Variants in BRD10 observed in about 807,000 individuals in gnomAD.
BRD10 encodes bromodomain containing 10.
chr9:5,919,915 A>G, the BRD10 span: 1 of 1,613,978 alleles, frequency 6.2e-7, no homozygotes, highest in Non-Finnish European at 8.5e-7. Context: ...GCAGTGGAGG[A>G]TTACTGGGGC....
chr9:5,879,722 G>C, the BRD10 span, among the ~76,000 whole-genome samples: 1 of 152,192 alleles, frequency 6.6e-6, no homozygotes, highest in Non-Finnish European at 1.5e-5. Context: ...GAAATGCAGA[G>C]ATACAGAACC....
chr9:5,930,357 T>C, the BRD10 span, among the ~76,000 whole-genome samples: 1 of 100,858 alleles, frequency 9.9e-6, no homozygotes, highest in South Asian at 3.8e-4. Context: ...TTTCCCAATA[T>C]ATATAAGGAG....
the BRD10 span, among the ~76,000 whole-genome samples, chr9:5,965,900 A>G: frequency 6.6e-6 from 1 of 152,214 alleles, no homozygotes; most frequent in Non-Finnish European, 1.5e-5. Context: ...AGTGGACTGA[A>G]AATTACATAA....
chr9:5,935,253 A>G, the BRD10 span, among the ~76,000 whole-genome samples: 4 of 152,234 alleles, frequency 2.6e-5, no homozygotes, highest in African/African-American at 7.2e-5. Flanking sequence ...GGCATCCCAC[A>G]CTGAATACAT....
chr9:5,915,898 T>A, the BRD10 span, among the ~76,000 whole-genome samples: 1 of 152,220 alleles, frequency 6.6e-6, no homozygotes, highest in Non-Finnish European at 1.5e-5. Flanking sequence ...TTTAAGAATG[T>A]TTTACATGCA....
At chr9:5,903,060 C>T in the BRD10 span, among the ~76,000 whole-genome samples, 9 of 152,146 alleles carry the variant, frequency 5.9e-5, no homozygotes, top group African/African-American at 2.2e-4. Flanking sequence ...ATTTAAATTT[C>T]TCCTGAGATT....
chr9:6,001,706 A>C, the BRD10 span, among the ~76,000 whole-genome samples: 1 of 152,174 alleles, frequency 6.6e-6, no homozygotes, highest in African/African-American at 2.4e-5. Context: ...CCACTCTTCA[A>C]AACCTAGCTC....
chr9:5,969,329 A>G, the BRD10 span: 3 of 1,613,552 alleles, frequency 1.9e-6, no homozygotes, highest in Non-Finnish European at 8.5e-7. Flanking sequence ...AATTTCCCAC[A>G]TGGTCTCCAT....
chr9:5,920,048 G>T, the BRD10 span: 3 of 1,613,950 alleles, frequency 1.9e-6, no homozygotes, highest in Non-Finnish European at 2.5e-6. Flanking sequence ...TATGAGTTGT[G>T]GTGATGTATG....
chr9:6,003,737 T>C, the BRD10 span, among the ~76,000 whole-genome samples: 1 of 152,098 alleles, frequency 6.6e-6, no homozygotes, highest in Non-Finnish European at 1.5e-5. Context: ...TGAATTTTAG[T>C]CCTACTTCTC....
chr9:5,922,897 A>G, the BRD10 span: 11 of 1,613,868 alleles, frequency 6.8e-6, no homozygotes, highest in Non-Finnish European at 9.3e-6. Context: ...TTTCCACAGC[A>G]AGAGCATTTC....
the BRD10 span, chr9:6,007,211 ACTTCTGCTCCAGCAT>A: frequency 6.2e-7 from 1 of 1,612,812 alleles, no homozygotes; most frequent in African/African-American, 1.3e-5. Context: ...AGAAGCGCTA[ACTTCTGCTCCAGCAT>A]CATCTCCAGC....
At chr9:5,981,974 A>G in the BRD10 span, among the ~76,000 whole-genome samples, 1 of 152,136 alleles carries the variant, frequency 6.6e-6, no homozygotes, top group South Asian at 2.1e-4. Context: ...AGAAATCACC[A>G]CTAAAGAACT....
At chr9:5,961,598 C>T in the BRD10 span, among the ~76,000 whole-genome samples, 6 of 151,966 alleles carry the variant, frequency 3.9e-5, no homozygotes, top group East Asian at 1.9e-4. Context: ...AATTTCTAAT[C>T]GCCAGGACAT....
At chr9:5,939,030 C>G in the BRD10 span, among the ~76,000 whole-genome samples, 10 of 152,002 alleles carry the variant, frequency 6.6e-5, no homozygotes, top group Non-Finnish European at 1.0e-4. Flanking sequence ...TGACTTGATA[C>G]CTTACTGAGA....
At chr9:5,952,116 A>G in the BRD10 span, among the ~76,000 whole-genome samples, 2 of 151,688 alleles carry the variant, frequency 1.3e-5, no homozygotes. Context: ...TGCCTCCCAG[A>G]TTCAAGTGAT....
At chr9:5,936,530 T>C in the BRD10 span, among the ~76,000 whole-genome samples, 6 of 152,028 alleles carry the variant, frequency 3.9e-5, no homozygotes, top group Non-Finnish European at 7.3e-5. Context: ...ATGTGTACTT[T>C]GTGCTCTCTA....
chr9:5,922,692 G>C, the BRD10 span: 2 of 1,613,936 alleles, frequency 1.2e-6, no homozygotes, highest in South Asian at 2.2e-5. Context: ...ATAAGAACTT[G>C]CTGCATGATT....
the BRD10 span, among the ~76,000 whole-genome samples, chr9:5,917,974 C>T: frequency 6.6e-6 from 1 of 152,164 alleles, no homozygotes; most frequent in African/African-American, 2.4e-5. Context: ...AGACAAAAGG[C>T]AAACAGTTTT....
Sources: gnomAD v4.1 joint callset for allele counts (sites outside exome capture counted in the v4.1 genomes callset) on GRCh38, gnomAD v4.1.1 for gene constraint, MANE v1.5 for transcripts, NCBI Gene and HGNC (gene_info 2026-07-23, HGNC 2026-07-21) for gene names.